The following EVA1C variants were observed in gnomAD, a reference collection of about 807,000 sequenced individuals.
The protein encoded by EVA1C is eva-1 homolog C.
Under a neutral mutation model 45.4 loss-of-function variants are expected in EVA1C, and 25 were observed. The observed-to-expected ratio is 0.55, with a 90% CI of 0.40 to 0.77. The LOEUF (loss-of-function observed/expected upper bound fraction) is 0.77. Ranked by LOEUF, EVA1C falls within the 30% of genes least tolerant of loss-of-function variation. The probability of loss-of-function intolerance (pLI) is 0.00; values close to 1 mark genes in which losing one functional copy is unlikely to be tolerated. For synonymous variants in EVA1C, 190 were observed against 221.2 expected (o/e 0.86, Z 1.25); for missense variants, 479 against 554.8 (o/e 0.86, Z 1.37).
At chr21:32,443,781 A>C (rs1249196189) in intron 1 of EVA1C, among the ~76,000 whole-genome samples, 10 of 152,066 alleles carry the variant, frequency 6.6e-5, no homozygotes, top group Non-Finnish European at 1.2e-4. Context: ...TGAATATTTC[A>C]CTTCTTTATT....
At chr21:32,450,101 G>T (rs1420735749) in intron 1 of EVA1C, among the ~76,000 whole-genome samples, 1 of 152,202 alleles carries the variant, frequency 6.6e-6, no homozygotes, top group African/African-American at 2.4e-5. Context: ...ACCACTCTCA[G>T]AATAAGAATA....
In EVA1C at chr21:32,501,578, G is replaced by A. The variant is rs746416972; in HGVS notation, c.859+83G>A. ...GGTGACCACAGTTGGGCACACCTTG[G>A]TTAGAATGGAAGGGGCTGTCAGGAG... On this transcript the variant is annotated intron_variant, in intron 6 of 7. Coordinates refer to ENST00000300255, the MANE Select transcript of EVA1C (RefSeq NM_058187.5). 5.2e-6 allele frequency: 8 copies of A among 1,551,308 alleles called. No homozygotes were observed. In the South Asian group the frequency reaches 8.5e-5, roughly 16 times the overall value.
chr21:32,471,112 G>A (rs1690255797), intron 4 of EVA1C, among the ~76,000 whole-genome samples: 2 of 151,960 alleles, frequency 1.3e-5, no homozygotes, highest in South Asian at 2.1e-4. Context: ...ACACCCTGCA[G>A]GGGCTCCCTG....
chr21:32,450,861 C>T (rs1025745979), intron 1 of EVA1C, among the ~76,000 whole-genome samples: 2 of 152,154 alleles, frequency 1.3e-5, no homozygotes, highest in African/African-American at 4.8e-5. Context: ...GGACTCTGAC[C>T]CACACTCCTG....
intron 1 of EVA1C, among the ~76,000 whole-genome samples, chr21:32,442,907 T>C (rs1445212431): frequency 1.3e-5 from 2 of 151,138 alleles, no homozygotes. Flanking sequence ...GAGAGGAAAA[T>C]GTACAGCTCT....
intron 1 of EVA1C, among the ~76,000 whole-genome samples, chr21:32,426,735 C>G (rs545473827): frequency 6.6e-6 from 1 of 152,154 alleles, no homozygotes; most frequent in East Asian, 1.9e-4. Context: ...CCAGAGGCCT[C>G]AAGACTGCAG....
chr21:32,485,952 T>C (rs1249939387), intron 4 of EVA1C, among the ~76,000 whole-genome samples: 1 of 152,228 alleles, frequency 6.6e-6, no homozygotes, highest in African/African-American at 2.4e-5. Flanking sequence ...TCGCTTCCAG[T>C]GACCCAGGGA....
intron 1 of EVA1C, among the ~76,000 whole-genome samples, chr21:32,426,684 G>T (rs955953755): frequency 1.6e-4 from 24 of 152,116 alleles, no homozygotes; most frequent in African/African-American, 5.1e-4. Flanking sequence ...CGAGAAGGAG[G>T]AGTCGACGGA....
chr21:32,414,462 T>C (rs909053510), intron 1 of EVA1C, among the ~76,000 whole-genome samples: 1 of 152,228 alleles, frequency 6.6e-6, no homozygotes, highest in Non-Finnish European at 1.5e-5. Flanking sequence ...TGTGACATCA[T>C]TGCAACTGAA....
intron 1 of EVA1C, among the ~76,000 whole-genome samples, chr21:32,429,928 A>G (rs1161012320): frequency 6.6e-6 from 1 of 152,146 alleles, no homozygotes; most frequent in African/African-American, 2.4e-5. Context: ...TTGCTTATGA[A>G]GGCTTGGAAA....
At chr21:32,479,434 AC>A (rs1448105041) in intron 4 of EVA1C, among the ~76,000 whole-genome samples, 1 of 152,004 alleles carries the variant, frequency 6.6e-6, no homozygotes, top group African/African-American at 2.4e-5. Context: ...GCCCTCCCCA[AC>A]CCCCCAGAAA....
At chr21:32,477,955 C>T (rs990011940) in intron 4 of EVA1C, among the ~76,000 whole-genome samples, 3 of 134,982 alleles carry the variant, frequency 2.2e-5, no homozygotes, top group Non-Finnish European at 4.7e-5. Flanking sequence ...TCACCCTCAC[C>T]TCTGCCATAC....
chr21:32,451,767 GTCTTCCCT>G (rs2146243026), intron 1 of EVA1C, among the ~76,000 whole-genome samples: 1 of 152,308 alleles, frequency 6.6e-6, no homozygotes, highest in African/African-American at 2.4e-5. Flanking sequence ...GCAGATGGCT[GTCTTCCCT>G]CTGTGTCTCT....
In EVA1C at chr21:32,477,984, T is replaced by A. The variant is rs148899998; in HGVS notation, c.634+10136T>A. ...GCCATACGCTGTCCCCTCCGCCATA[T>A]GCTGTCACCGCCACCATACATTATT... On this transcript the variant is annotated intron_variant, in intron 4 of 7. Coordinates refer to ENST00000300255, the MANE Select transcript of EVA1C (RefSeq NM_058187.5). Among the ~76,000 whole-genome samples, 1,053 of 141,514 alleles carry A rather than the reference T, an allele frequency of 7.4e-3. 5 individuals carry two copies. The highest frequency in any genetic ancestry group is 0.012 in the Non-Finnish European group (812 of 65,414). 92.8% of individuals were successfully genotyped at this position (141,514 alleles called of 152,430 possible). A position where few individuals can be genotyped will look rare whatever the true frequency, so the allele number is the denominator to read the frequency against.
intron 5 of EVA1C, among the ~76,000 whole-genome samples, 190 bp from the exon 6 acceptor site, chr21:32,501,225 C>T (rs1443299371): frequency 9.7e-6 from 1 of 102,874 alleles, no homozygotes; most frequent in Non-Finnish European, 1.9e-5. Context: ...CTCTCTGGAG[C>T]ATTTGATGAT....
chr21:32,454,695 G>A (rs769555586), intron 2 of EVA1C, among the ~76,000 whole-genome samples: 1 of 151,876 alleles, frequency 6.6e-6, no homozygotes, highest in African/African-American at 2.4e-5. Context: ...TGATTTTGTC[G>A]ACCGTAGGAA....
At chr21:32,438,213 C>T (rs2035036008) in intron 1 of EVA1C, among the ~76,000 whole-genome samples, 1 of 152,108 alleles carries the variant, frequency 6.6e-6, no homozygotes. Context: ...TAAGAGAACC[C>T]TGGCTGGGCA....
chr21:32,422,381 A>G (rs1486233289), intron 1 of EVA1C, among the ~76,000 whole-genome samples: 2 of 152,214 alleles, frequency 1.3e-5, no homozygotes, highest in Non-Finnish European at 2.9e-5. Flanking sequence ...TCTGATCAGT[A>G]TTCCAGAAAA....
intron 1 of EVA1C, among the ~76,000 whole-genome samples, chr21:32,413,718 C>T (rs535361576): frequency 2.9e-4 from 44 of 152,182 alleles, no homozygotes; most frequent in Non-Finnish European, 5.7e-4. Flanking sequence ...GTGTGACGCC[C>T]CAAAGTGAAA....
Sources: allele counts gnomAD v4.1 joint callset (sites outside exome capture counted in the v4.1 genomes callset), GRCh38; gene constraint gnomAD v4.1.1; transcripts MANE v1.5; gene names NCBI Gene and HGNC (gene_info 2026-07-23, HGNC 2026-07-21).